PHEX: variants seen among roughly 807,000 people sequenced by gnomAD.
The protein encoded by PHEX is phosphate-regulating neutral endopeptidase PHEX.
In PHEX, 16 loss-of-function variants were observed where a neutral mutation model predicts 68.0. The ratio of observed to expected loss-of-function variants is 0.24; its 90% CI spans 0.16 to 0.36. The LOEUF is 0.36. PHEX is among the 10% of genes least tolerant of loss of function. The probability of loss-of-function intolerance (pLI) is 1.00; values close to 1 mark genes in which losing one functional copy is unlikely to be tolerated. For missense variants in PHEX, 480 were observed against 575.5 expected, an observed-to-expected ratio of 0.83 and a Z score of 1.70; for synonymous variants, 208 against 205.1, an observed-to-expected ratio of 1.01 and a Z score of -0.12.
chrX:22,156,388 T>C (rs1256746060), intron 12 of PHEX, among the ~76,000 whole-genome samples: 1 of 109,719 alleles, frequency 9.1e-6, no homozygotes, highest in Non-Finnish European at 1.9e-5. Context: ...TTTACGACAG[T>C]TGAATTCTTT....
intron 6 of PHEX, among the ~76,000 whole-genome samples, chrX:22,091,165 T>C (rs1929865524): frequency 8.9e-6 from 1 of 111,883 alleles, no homozygotes; most frequent in Non-Finnish European, 1.9e-5. Context: ...CCCCTGGGTC[T>C]ATGCCGATAC....
At chrX:22,215,187 T>G in intron 16 of PHEX, among the ~76,000 whole-genome samples, 1 of 111,561 alleles carries the variant, frequency 9.0e-6, no homozygotes, top group Non-Finnish European at 1.9e-5. Flanking sequence ...TGTTTGTACC[T>G]TAGGCTAGGT....
At chrX:22,202,348 T>C (rs1232148559) in intron 15 of PHEX, among the ~76,000 whole-genome samples, 1 of 112,116 alleles carries the variant, frequency 8.9e-6, no homozygotes, top group Non-Finnish European at 1.9e-5. Flanking sequence ...GTTTTGTGGC[T>C]TTCTGTCTAA....
At chrX:22,068,746 C>T (rs968621826) in intron 3 of PHEX, among the ~76,000 whole-genome samples, 1 of 112,159 alleles carries the variant, frequency 8.9e-6, no homozygotes, top group African/African-American at 3.2e-5. Flanking sequence ...CGTTACTGGT[C>T]CTTGGATGTC....
At chrX:22,222,080 T>C (rs972496694) in intron 18 of PHEX, among the ~76,000 whole-genome samples, 4 of 112,315 alleles carry the variant, frequency 3.6e-5, no homozygotes, top group African/African-American at 1.3e-4. Flanking sequence ...TTATAAACAC[T>C]GACTTGGTTC....
At chrX:22,083,210 A>G (rs1569383831) in intron 5 of PHEX, among the ~76,000 whole-genome samples, 1 of 112,246 alleles carries the variant, frequency 8.9e-6, no homozygotes. Flanking sequence ...ATGTAAATGT[A>G]AAACCTAAAA....
chrX:22,169,276 G>A (rs1933442848), intron 13 of PHEX, among the ~76,000 whole-genome samples: 1 of 111,754 alleles, frequency 8.9e-6, no homozygotes, highest in African/African-American at 3.2e-5. Context: ...CTAAGATATA[G>A]CCTCCCAAAA....
intron 12 of PHEX, among the ~76,000 whole-genome samples, chrX:22,155,607 T>G (rs1475099716): frequency 8.9e-6 from 1 of 112,254 alleles, no homozygotes; most frequent in African/African-American, 3.2e-5. Context: ...AAAAATGCAT[T>G]GATTTATTTC....
chrX:22,223,053 T>C (rs1935321537), intron 18 of PHEX, among the ~76,000 whole-genome samples: 1 of 112,112 alleles, frequency 8.9e-6, no homozygotes, highest in African/African-American at 3.2e-5. Flanking sequence ...TTCTGACAAA[T>C]GTGTACCTTT....
chrX:22,227,783 A>G (rs753750491), intron 20 of PHEX, among the ~76,000 whole-genome samples, 172 bp downstream of exon 20: 35 of 112,572 alleles, frequency 3.1e-4, no homozygotes, highest in Non-Finnish European at 5.4e-4. Flanking sequence ...TCTGTAGTAC[A>G]TAATTAATTA....
intron 1 of PHEX, among the ~76,000 whole-genome samples, chrX:22,034,696 C>G (rs182028372): frequency 1.0e-3 from 115 of 111,815 alleles, no homozygotes; most frequent in African/African-American, 3.5e-3. Flanking sequence ...GCCTCTACAA[C>G]TTTGCTTCTC....
chrX:22,118,339 C>CAAAAAAAA (rs1157170753), intron 11 of PHEX, among the ~76,000 whole-genome samples: 1 of 21,119 alleles, frequency 4.7e-5, no homozygotes, highest in African/African-American at 1.7e-4. Context: ...TAAACAGCAC[C>CAAAAAAAA]AAAAAAAAAA....
intron 18 of PHEX, among the ~76,000 whole-genome samples, chrX:22,222,048 G>A (rs1448413431): frequency 1.8e-5 from 2 of 111,657 alleles, no homozygotes; most frequent in African/African-American, 6.5e-5. Flanking sequence ...AAAAATCCAT[G>A]TGCTTCTTTT....
chrX:22,105,796 A>G (rs185326641), intron 9 of PHEX, among the ~76,000 whole-genome samples: 7 of 112,296 alleles, frequency 6.2e-5, no homozygotes, highest in African/African-American at 2.3e-4. Context: ...CTTAAATGTG[A>G]TACAAATGTA....
intron 12 of PHEX, among the ~76,000 whole-genome samples, chrX:22,156,505 G>A (rs1177564530): frequency 1.9e-5 from 2 of 105,724 alleles, no homozygotes; most frequent in African/African-American, 3.7e-5. Flanking sequence ...TGCTACAGTA[G>A]CATATTCCGG....
Position 22,202,155 on chromosome X carries a change from A to G in PHEX, c.1646-10749A>G, listed in dbSNP as rs148643809. ...TTTACAGTTTAAATTAACTAGACTC[A>G]TCCAACAGTACTACTTTTTCCCCAC... On this transcript the variant is annotated intron_variant, in intron 15 of 21. Transcript: ENST00000379374. 7.8e-3 allele frequency among the ~76,000 whole-genome samples: 874 copies of G among 112,394 alleles called. 8 individuals carry two copies. The highest frequency in any genetic ancestry group is 0.026 in the African/African-American group (803 of 30,983).
chrX:22,240,077 G>T (rs187658484), intron 20 of PHEX, among the ~76,000 whole-genome samples: 1 of 112,140 alleles, frequency 8.9e-6, no homozygotes, highest in East Asian at 2.8e-4. Context: ...GAGAGAGGGG[G>T]CAAGTATTCA....
intron 12 of PHEX, among the ~76,000 whole-genome samples, chrX:22,148,646 C>G (rs943418685): frequency 9.0e-6 from 1 of 111,126 alleles, no homozygotes; most frequent in Non-Finnish European, 1.9e-5. Flanking sequence ...ATCTCTCCCC[C>G]TCCCTCCAGC....
chrX:22,239,952 G>A (rs1936126908), intron 20 of PHEX, among the ~76,000 whole-genome samples: 1 of 111,522 alleles, frequency 9.0e-6, no homozygotes, highest in South Asian at 3.8e-4. Flanking sequence ...ATTTACCAAG[G>A]TTGAAATGAA....
Sources: gnomAD v4.1 joint callset for allele counts (sites outside exome capture counted in the v4.1 genomes callset) on GRCh38, gnomAD v4.1.1 for gene constraint, MANE v1.5 for transcripts, NCBI Gene and HGNC (gene_info 2026-07-23, HGNC 2026-07-21) for gene names.